The following KCNQ1 variants were observed in gnomAD, a reference collection of about 807,000 sequenced individuals.
KCNQ1 encodes the protein potassium voltage-gated channel subfamily KQT member 1.
A neutral mutation model predicts 72.4 loss-of-function variants in KCNQ1; 49 were observed. That is an observed-to-expected ratio of 0.68 (90% CI 0.54 to 0.86). KCNQ1 has a LOEUF of 0.86. KCNQ1 is among the 40% of genes least tolerant of loss of function. The pLI, the probability that KCNQ1 is intolerant of heterozygous loss-of-function variation, is 0.00. For missense variants in KCNQ1, 790 were observed against 945.1 expected (o/e 0.84, Z 2.15); for synonymous variants, 450 against 412.6 (o/e 1.09, Z -1.10).
intron 11 of KCNQ1, among the ~76,000 whole-genome samples, chr11:2,739,803 CAG>C (rs1487687869): frequency 1.3e-5 from 2 of 152,210 alleles, no homozygotes; most frequent in South Asian, 2.1e-4. Context: ...GTCCAGGGGA[CAG>C]AGAGAGGGGA....
At chr11:2,743,142 C>G (rs1344843557) in intron 11 of KCNQ1, among the ~76,000 whole-genome samples, 1 of 152,192 alleles carries the variant, frequency 6.6e-6, no homozygotes, top group Non-Finnish European at 1.5e-5. Flanking sequence ...CCTGGAGACC[C>G]AGTTGTCATG....
rs886261512 is a variant in KCNQ1, at chr11:2,451,409, C to G, written c.386+5925C>G. Reference sequence around the variant, plus strand: ...CACCTGACGCTCACTCACTGCTGTGCGGCCTGCTCCCTAACAGGCCACGGA... The same window carrying G: ...CACCTGACGCTCACTCACTGCTGTGGGGCCTGCTCCCTAACAGGCCACGGA... On this transcript the variant is annotated intron_variant, in intron 1 of 15. Coordinates refer to ENST00000155840, the MANE Select transcript of KCNQ1 (RefSeq NM_000218.3). This position sits in a 1 kb window ranked among gnomAD's most constrained non-coding sequence, Gnocchi z 6.4. 6.6e-6 allele frequency among the ~76,000 whole-genome samples: 1 copy of G among 152,174 alleles called. No individual in the cohort carries two copies. The highest frequency in any genetic ancestry group is 2.4e-5 in the African/African-American group (1 of 41,438).
In KCNQ1 at chr11:2,559,682, G is replaced by A. The variant is rs930322163; in HGVS notation, c.478-10946G>A. ...TGGCAGGTGGGGCTAGTTCTGGAGG[G>A]AAAGCGGCCTCGTGCCTCCCAGAGT... On this transcript the variant is annotated intron_variant, in intron 2 of 15. Transcript: ENST00000155840. This position sits in a 1 kb window ranked among gnomAD's most constrained non-coding sequence, Gnocchi z 4.9. Among the ~76,000 whole-genome samples the A allele has an allele frequency of 2.0e-5, 3 of 152,198 alleles. No homozygotes were observed. Among genetic ancestry groups the A allele is most frequent in the Non-Finnish European group, 4.4e-5 (3 of 68,036 alleles).
Position 2,815,894 on chromosome 11 carries a change from CGAAAAATTAAGCACCGCT to C in KCNQ1, c.1795-31870_1795-31853del. Reference sequence around the variant, plus strand: ...GGCTGTATCTAACAGCTGCCTGTGCCGAAAAATTAAGCACCGCTGAGTCGCCGCACACCTGTCAGGGTG... The same window carrying C: ...GGCTGTATCTAACAGCTGCCTGTGCCGAGTCGCCGCACACCTGTCAGGGTG... On this transcript the variant is annotated intron_variant, in intron 15 of 15. Coordinates refer to ENST00000155840, the MANE Select transcript of KCNQ1 (RefSeq NM_000218.3). This position sits in a 1 kb window ranked among gnomAD's most constrained non-coding sequence, Gnocchi z 5.4. Among the ~76,000 whole-genome samples, 1 of 152,242 alleles carries C rather than the reference CGAAAAATTAAGCACCGCT, an allele frequency of 6.6e-6. No individual in the cohort carries two copies. The highest frequency in any genetic ancestry group is 2.4e-5 in the African/African-American group (1 of 41,546).
At chr11:2,773,988 T>G (rs1204509849) in intron 12 of KCNQ1, among the ~76,000 whole-genome samples, 1 of 151,994 alleles carries the variant, frequency 6.6e-6, no homozygotes, top group Non-Finnish European at 1.5e-5. Context: ...CAGCATCCCA[T>G]CTTATAGAAG....
At chr11:2,476,676 C>T (rs889056292) in intron 1 of KCNQ1, among the ~76,000 whole-genome samples, 3 of 152,076 alleles carry the variant, frequency 2.0e-5, no homozygotes, top group Non-Finnish European at 4.4e-5. Context: ...CTTTGGCAAT[C>T]GATTTAGAAA....
In KCNQ1 at chr11:2,621,649, G is replaced by C; in HGVS notation, c.1393+32795G>C. ...TCTAGGAATTTGTCCATTTCCTCTA[G>C]GTTATCCAATTTGTTGGGATATAAT... On this transcript the variant is annotated intron_variant, in intron 10 of 15. Coordinates refer to ENST00000155840, the MANE Select transcript of KCNQ1 (RefSeq NM_000218.3). This position sits in a 1 kb window ranked among gnomAD's most constrained non-coding sequence, Gnocchi z 5.7. 5.0e-6 allele frequency: 2 copies of C among 398,160 alleles called. No individual in the cohort carries two copies. Among genetic ancestry groups the C allele is most frequent in the East Asian group, 3.6e-5 (1 of 28,036 alleles). The allele number at this position is 398,160 out of a possible 1,614,324, so 24.7% of individuals were successfully genotyped here.
In KCNQ1 at chr11:2,583,554, C is replaced by A; in HGVS notation, c.1032+9C>A. The A allele has an allele frequency of 6.3e-7, 1 of 1,595,552 alleles. No homozygotes were observed. The stretch of plus-strand genomic sequence containing the variant: ...TCTTTGCGCTCCCAGCGGTAGGTGC[C>A]CCGTGGGTGCGTTTTCCCTGGCTCC... On this transcript the variant is annotated intron_variant, in intron 7 of 15. Coordinates refer to ENST00000155840, the MANE Select transcript of KCNQ1 (RefSeq NM_000218.3).
rs190514493 is a variant in KCNQ1 at position 2,497,097 on chromosome 11, G to A, written c.387-30831G>A. On this transcript the variant is annotated intron_variant, in intron 1 of 15. Coordinates refer to ENST00000155840, the MANE Select transcript of KCNQ1 (RefSeq NM_000218.3). This position sits in a 1 kb window ranked among gnomAD's most constrained non-coding sequence, Gnocchi z 4.5. The stretch of plus-strand genomic sequence containing the variant: ...ACCTTTCTCTCTGGCTGCCCTTAAC[G>A]TTTTGTCCTTCATTTAAACCTTGGA... 1.4e-4 allele frequency among the ~76,000 whole-genome samples: 22 copies of A among 152,192 alleles called. No homozygotes were observed. In the East Asian group the frequency reaches 1.9e-3, roughly 13 times the overall value.
intron 11 of KCNQ1, among the ~76,000 whole-genome samples, chr11:2,708,491 C>T (rs1425816385): frequency 6.6e-6 from 1 of 152,212 alleles, no homozygotes; most frequent in Non-Finnish European, 1.5e-5. Context: ...AGGTGGAGCC[C>T]AGGCTTATCC....
intron 2 of KCNQ1, among the ~76,000 whole-genome samples, chr11:2,551,727 G>A (rs1241891290): frequency 6.6e-6 from 1 of 152,200 alleles, no homozygotes; most frequent in Non-Finnish European, 1.5e-5. Flanking sequence ...ATCAATGTAC[G>A]AGCATTCTGG....
Position 2,592,242 on chromosome 11 carries a change from C to T in KCNQ1, c.1393+3388C>T, listed in dbSNP as rs1356126038. 2.6e-5 allele frequency among the ~76,000 whole-genome samples: 4 copies of T among 152,242 alleles called. No individual in the cohort carries two copies. Among genetic ancestry groups the T allele is most frequent in the Non-Finnish European group, 4.4e-5 (3 of 68,044 alleles). On this transcript the variant is annotated intron_variant, in intron 10 of 15. Transcript: ENST00000155840. The surrounding 1 kb of genome is among the most constrained non-coding windows in gnomAD (Gnocchi z 5.2). The stretch of plus-strand genomic sequence containing the variant: ...TAGATGGAGAAACGGAAGGCCAGGG[C>T]CATGTGGGGAACTCCTGAGGACACC...
In KCNQ1 at chr11:2,483,788, C is replaced by T. The variant is rs1846691248; in HGVS notation, c.386+38304C>T. 6.6e-6 allele frequency among the ~76,000 whole-genome samples: 1 copy of T among 152,136 alleles called. No homozygotes were observed. The highest frequency in any genetic ancestry group is 2.4e-5 in the African/African-American group (1 of 41,416). On this transcript the variant is annotated intron_variant, in intron 1 of 15. Coordinates refer to ENST00000155840, the MANE Select transcript of KCNQ1 (RefSeq NM_000218.3). This position sits in a 1 kb window ranked among gnomAD's most constrained non-coding sequence, Gnocchi z 6.1. ...TTAGGGCGGGTTCATTTGACCTTGA[C>T]CACTCAGGTAGGAGTGTGTCAGCTG...
At chr11:2,684,567 G>C (rs1002941015) in intron 11 of KCNQ1, 3 of 398,506 alleles carry the variant, frequency 7.5e-6, no homozygotes, top group African/African-American at 6.2e-5. Flanking sequence ...TCCCATAAAT[G>C]ACTTTCTGGC....
rs1405831460 is a variant in KCNQ1 at position 2,679,323 on chromosome 11, C to T, written c.1514+17242C>T. ...AATAACAGGGTCTGGAGTCTGAACT[C>T]ATATCCTAATTCCACTACTTTCTAC... On this transcript the variant is annotated intron_variant, in intron 11 of 15. Transcript: ENST00000155840. This position sits in a 1 kb window ranked among gnomAD's most constrained non-coding sequence, Gnocchi z 4.8. 7.5e-6 allele frequency: 3 copies of T among 398,532 alleles called. No individual in the cohort carries two copies. The highest frequency in any genetic ancestry group is 1.3e-5 in the Non-Finnish European group (3 of 226,088). The allele number at this position is 398,532 out of a possible 1,614,324, so 24.7% of individuals were successfully genotyped here.
At chr11:2,823,715 T>C (rs898603709) in intron 15 of KCNQ1, among the ~76,000 whole-genome samples, 1 of 151,144 alleles carries the variant, frequency 6.6e-6, no homozygotes, top group Non-Finnish European at 1.5e-5. Context: ...CTGAGGGAGG[T>C]GTTGTTAGAG....
intron 10 of KCNQ1, chr11:2,631,951 GGAGGGCAGATCA>G (rs1849360619): frequency 7.6e-6 from 3 of 397,066 alleles, no homozygotes. Flanking sequence ...GGGAGGCTGA[GGAGGGCAGATCA>G]CAAGGTCAGG....
Position 2,445,348 on chromosome 11 carries a change from C to T in KCNQ1, c.250C>T (p.Pro84Ser), listed in dbSNP as rs1846021360. 2 of 1,593,754 alleles carry T rather than the reference C, an allele frequency of 1.3e-6. No homozygotes were observed. Among genetic ancestry groups the T allele is most frequent in the Non-Finnish European group, 8.5e-7 (1 of 1,177,700 alleles). The change falls in exon 1 of 16, where the codon CCG becomes TCG. Residue 84 changes from proline to serine, a missense_variant. Pro to Ser is a moderately conservative substitution (Grantham distance 74). Transcript: ENST00000155840. The stretch of plus-strand genomic sequence containing the variant: ...TGCCTCCGACCTTGGCCCGCGGCCG[C>T]CGGTGAGCCTAGACCCGCGCGTCTC... Reference protein sequence around the residue: ...PVASDLGPRPPVSLDPRVSIY... With the variant: ...PVASDLGPRPSVSLDPRVSIY...
chr11:2,759,703 G>A lies in KCNQ1; in HGVS notation c.1515-9141G>A, dbSNP rs949827015. Among the ~76,000 whole-genome samples the A allele has an allele frequency of 1.3e-5, 2 of 152,228 alleles. No individual in the cohort carries two copies. Among genetic ancestry groups the A allele is most frequent in the African/African-American group, 4.8e-5 (2 of 41,460 alleles). ...ATCCTCCAGAAGGGGCCGAGAGCTT[G>A]TCCAGGCAGGGTGGATACAAGGGGC... is the stretch of plus-strand genomic sequence containing the variant. On this transcript the variant is annotated intron_variant, in intron 11 of 15. Transcript: ENST00000155840. This position sits in a 1 kb window ranked among gnomAD's most constrained non-coding sequence, Gnocchi z 4.4.
Sources: allele counts gnomAD v4.1 joint callset (sites outside exome capture counted in the v4.1 genomes callset), GRCh38; gene constraint gnomAD v4.1.1; non-coding constraint Gnocchi (gnomAD v3.1); transcripts MANE v1.5; gene names NCBI Gene and HGNC (gene_info 2026-07-23, HGNC 2026-07-21).